The following RPS6KA5 variants were observed in gnomAD, a reference collection of about 807,000 sequenced individuals.
RPS6KA5 encodes the protein ribosomal protein S6 kinase alpha-5.
RPS6KA5 carries 27 observed loss-of-function variants against 85.5 expected under a neutral mutation model. That is an observed-to-expected ratio of 0.32 (90% CI 0.23 to 0.44). The LOEUF is 0.44. Ranked by LOEUF, RPS6KA5 falls within the 20% of genes least tolerant of loss-of-function variation. The pLI, the probability that RPS6KA5 is intolerant of heterozygous loss-of-function variation, is 1.00. For synonymous variants in RPS6KA5, 334 were observed against 348.2 expected (o/e 0.96, Z 0.46); for missense variants, 811 against 980.9 (o/e 0.83, Z 2.31).
chr14:90,972,840 C>T (rs2039384320), intron 3 of RPS6KA5, among the ~76,000 whole-genome samples: 1 of 151,800 alleles, frequency 6.6e-6, no homozygotes. Context: ...CAATGCCTAC[C>T]AGAAATGATT....
chr14:90,982,777 G>A (rs957869586), intron 2 of RPS6KA5, among the ~76,000 whole-genome samples: 2 of 152,110 alleles, frequency 1.3e-5, no homozygotes, highest in Admixed American at 6.5e-5. Context: ...TCAGGAATTC[G>A]AGATCAGCCT....
intron 5 of RPS6KA5, among the ~76,000 whole-genome samples, chr14:90,928,460 T>C (rs1595241639): frequency 6.6e-6 from 1 of 151,826 alleles, no homozygotes; most frequent in Admixed American, 6.6e-5. Flanking sequence ...ACAAAAGCTC[T>C]TTCTTATAAA....
In RPS6KA5 at chr14:90,858,286, G is replaced by T. The variant is rs1349461956; in HGVS notation, c.*13788C>A. The T allele has an allele frequency of 2.0e-5, 3 of 152,008 alleles. No homozygotes were observed. The highest frequency in any genetic ancestry group is 4.8e-5 in the African/African-American group (2 of 41,380). The allele number at this position is 152,008 out of a possible 1,614,324, so 9.4% of individuals were successfully genotyped here. On this transcript the variant is annotated 3_prime_UTR_variant, in exon 17 of 17. Coordinates refer to ENST00000614987, the MANE Select transcript of RPS6KA5 (RefSeq NM_004755.4). ...TTTCTAAACAGATCTAGTATCAGAA[G>T]CATCTGAATCATCAAAATCATCTAT... is the stretch of plus-strand genomic sequence containing the variant.
chr14:90,962,341 T>C (rs1171877856), intron 3 of RPS6KA5, among the ~76,000 whole-genome samples: 4 of 152,098 alleles, frequency 2.6e-5, no homozygotes, highest in African/African-American at 9.7e-5. Context: ...TCTCACTCTC[T>C]TGCCCAGGCT....
intron 5 of RPS6KA5, among the ~76,000 whole-genome samples, chr14:90,931,503 C>A (rs2036975418): frequency 2.0e-5 from 3 of 151,368 alleles, no homozygotes; most frequent in African/African-American, 4.9e-5. Flanking sequence ...GTTAAGATGG[C>A]AATTTTTGTT....
At chr14:90,890,425 G>C in intron 14 of RPS6KA5, 62 bp downstream of exon 14, 2 of 1,396,334 alleles carry the variant, frequency 1.4e-6, no homozygotes, top group Non-Finnish European at 1.9e-6. Context: ...TGAAGAGTGA[G>C]ATAAGGAGAG....
Position 90,881,392 on chromosome 14 carries a change from C to T in RPS6KA5, c.1837-6032G>A, listed in dbSNP as rs143111468. Among the ~76,000 whole-genome samples the T allele has an allele frequency of 7.3e-3, 1,102 of 151,076 alleles. 10 individuals carry two copies. Among genetic ancestry groups the T allele is most frequent in the Middle Eastern group, 0.017 (5 of 292 alleles). On this transcript the variant is annotated intron_variant, in intron 14 of 16. Transcript: ENST00000614987. ...TGCCTGAACTCGGGAGGCAGAGGTT[C>T]CAGTGAGCTGAGATTGTGCCACTGC... is the stretch of plus-strand genomic sequence containing the variant.
At chr14:91,048,292 T>C (rs1397482200) in intron 1 of RPS6KA5, among the ~76,000 whole-genome samples, 2 of 152,224 alleles carry the variant, frequency 1.3e-5, no homozygotes, top group Non-Finnish European at 2.9e-5. Context: ...ATTCACTTTC[T>C]ATATTCCAGA....
chr14:90,881,393 CAGTG>C (rs1288370124), intron 14 of RPS6KA5, among the ~76,000 whole-genome samples: 4 of 150,224 alleles, frequency 2.7e-5, no homozygotes, highest in Non-Finnish European at 5.9e-5. Flanking sequence ...GCAGAGGTTC[CAGTG>C]AGCTGAGATT....
chr14:91,060,518 G>A lies in RPS6KA5; in HGVS notation c.-84C>T, dbSNP rs2043625031. On this transcript the variant is annotated 5_prime_UTR_variant, in exon 1 of 17. Transcript: ENST00000614987. ...CGCCCGTCCCCTCGCAGCCGCTGCC[G>A]CGGCCCCAGGAGTCGGGGTGCGGCG... 6.4e-6 allele frequency: 8 copies of A among 1,240,892 alleles called. No homozygotes were observed. The highest frequency in any genetic ancestry group is 7.1e-6 in the Non-Finnish European group (7 of 984,890). 76.9% of individuals were successfully genotyped at this position (1,240,892 alleles called of 1,614,324 possible). A position where few individuals can be genotyped will look rare whatever the true frequency, so the allele number is the denominator to read the frequency against.
intron 3 of RPS6KA5, among the ~76,000 whole-genome samples, chr14:90,973,096 G>T (rs530668128): frequency 6.6e-6 from 1 of 152,308 alleles, no homozygotes; most frequent in African/African-American, 2.4e-5. Context: ...CAATGCTGAT[G>T]GGAATGTAAA....
chr14:90,943,174 T>C lies in RPS6KA5; in HGVS notation c.522A>G (p.Ile174Met). The C allele has an allele frequency of 5.1e-6, 8 of 1,575,268 alleles. No homozygotes were observed. The highest frequency in any genetic ancestry group is 2.2e-5 in the East Asian group (1 of 44,602). ...ALEHLHKLGI[I>M]YRDIKLENIL... ...TATTCTCAAGCTTAATATCACGATATATAATCCCCAACTGCAAAAACAAAG... is the reference window on the plus strand; with the variant it reads ...TATTCTCAAGCTTAATATCACGATACATAATCCCCAACTGCAAAAACAAAG... The change falls in exon 5 of 17, where the codon ATA (isoleucine) becomes ATG (methionine). Residue 174 changes from isoleucine (I) to methionine (M), a missense_variant. By Grantham distance (10) the Ile-to-Met change is conservative. This residue lies in a region of RPS6KA5 where 650 missense variants were observed against 793.4 expected (regional missense o/e 0.82). Coordinates refer to ENST00000614987, the MANE Select transcript of RPS6KA5 (RefSeq NM_004755.4).
At chr14:90,944,803 G>A (rs1345675505) in intron 4 of RPS6KA5, among the ~76,000 whole-genome samples, 1 of 150,806 alleles carries the variant, frequency 6.6e-6, no homozygotes, top group Non-Finnish European at 1.5e-5. Flanking sequence ...TGTAGTCCTA[G>A]AGCTACTCGG....
chr14:90,906,355 A>G (rs916243742), intron 7 of RPS6KA5, 56 bp from the exon 8 acceptor site: 29 of 1,299,948 alleles, frequency 2.2e-5, no homozygotes, highest in Non-Finnish European at 2.6e-5. Flanking sequence ...AAAAAAAAAA[A>G]GCATGGTGAA....
intron 7 of RPS6KA5, among the ~76,000 whole-genome samples, chr14:90,916,892 T>C (rs946528936): frequency 1.3e-5 from 2 of 152,218 alleles, no homozygotes; most frequent in Non-Finnish European, 1.5e-5. Context: ...TAAAAGCAAT[T>C]TAAATGTGAA....
intron 14 of RPS6KA5, among the ~76,000 whole-genome samples, chr14:90,887,478 T>C (rs2034298497): frequency 6.6e-6 from 1 of 152,018 alleles, no homozygotes; most frequent in Admixed American, 6.6e-5. Context: ...ACTGTGTCTG[T>C]CCATAAAAGG....
intron 1 of RPS6KA5, among the ~76,000 whole-genome samples, chr14:91,039,283 T>C (rs2042515317): frequency 6.6e-6 from 1 of 152,184 alleles, no homozygotes. Context: ...CCAGTGGATA[T>C]TGTCAATTTC....
intron 1 of RPS6KA5, among the ~76,000 whole-genome samples, chr14:91,048,862 T>A (rs1456722920): frequency 6.6e-6 from 1 of 152,234 alleles, no homozygotes; most frequent in Non-Finnish European, 1.5e-5. Flanking sequence ...TGTTATTATG[T>A]TAGATTTTCC....
chr14:90,972,245 A>T (rs2140457407), intron 3 of RPS6KA5, among the ~76,000 whole-genome samples: 1 of 152,288 alleles, frequency 6.6e-6, no homozygotes, highest in South Asian at 2.1e-4. Context: ...CCAAAACCAG[A>T]CAATGTGATT....
Sources: gnomAD v4.1 joint callset for allele counts (sites outside exome capture counted in the v4.1 genomes callset) on GRCh38, gnomAD v4.1.1 for gene constraint, gnomAD v4.1.1 regional missense constraint, MANE v1.5 for transcripts, NCBI Gene and HGNC (gene_info 2026-07-23, HGNC 2026-07-21) for gene names.